USH2A: variants seen among roughly 807,000 people sequenced by gnomAD.
The protein encoded by USH2A is Usher syndrome 2A (autosomal recessive, mild).
In USH2A, 443 loss-of-function variants were observed where a neutral mutation model predicts 538.9. The observed-to-expected ratio is 0.82, with a 90% CI of 0.76 to 0.89. The LOEUF is 0.89. Ranked by LOEUF, USH2A falls within the 40% of genes least tolerant of loss-of-function variation. USH2A has a pLI of 0.00. For synonymous variants in USH2A, 2,413 were observed against 2,273.5 expected (o/e 1.06, Z -1.75); for missense variants, 6,633 against 6,324.8 (o/e 1.05, Z -1.65).
chr1:215,993,001 G>T lies in USH2A; in HGVS notation c.6805+19C>A. ...TTGCTAATCATCTTTTTAACTTGAG[G>T]CTAAAAGAGTTCACTTACCATTCGG... is the stretch of plus-strand genomic sequence containing the variant. On this transcript the variant is annotated intron_variant, in intron 35 of 71. Coordinates refer to ENST00000307340, the MANE Select transcript of USH2A (RefSeq NM_206933.4). The T allele has an allele frequency of 6.2e-7, 1 of 1,613,972 alleles. No homozygotes were observed. Among genetic ancestry groups the T allele is most frequent in the South Asian group, 1.1e-5 (1 of 91,086 alleles).
Position 216,324,256 on chromosome 1 carries a change from A to T in USH2A, c.1240T>A (p.Tyr414Asn). The T allele has an allele frequency of 6.2e-7, 1 of 1,613,360 alleles. No individual in the cohort carries two copies. Among genetic ancestry groups the T allele is most frequent in the Non-Finnish European group, 8.5e-7 (1 of 1,179,664 alleles). ...AAAGCACCACAATTCCTGGCAAAAT[A>T]TTGCCAGTCCTCCCAATCTAAACTA... The part of the protein sequence containing the change: ...ENSLDWEDWQ[Y>N]FARNCGAFGM... Residue 414 changes from tyrosine to asparagine, a missense_variant, in exon 7 of 72, where the codon TAT (tyrosine) becomes AAT (asparagine). Transcript: ENST00000307340.
At chr1:216,019,767 A>C (rs900571838) in intron 32 of USH2A, among the ~76,000 whole-genome samples, 4 of 152,182 alleles carry the variant, frequency 2.6e-5, no homozygotes, top group South Asian at 4.1e-4. Context: ...ATGCTGAGCA[A>C]GTACTCCTTA....
chr1:216,308,862 A>C (rs1034165520), intron 9 of USH2A, among the ~76,000 whole-genome samples: 1 of 152,180 alleles, frequency 6.6e-6, no homozygotes, highest in Non-Finnish European at 1.5e-5. Flanking sequence ...AGCTTTCTTA[A>C]ATTTTCAAAC....
At chr1:215,717,507 C>T (rs992038876) in intron 61 of USH2A, among the ~76,000 whole-genome samples, 1 of 152,146 alleles carries the variant, frequency 6.6e-6, no homozygotes, top group Non-Finnish European at 1.5e-5. Context: ...CAATACCATG[C>T]ATGACAAAAT....
At chr1:215,658,636 C>A (rs552498638) in intron 64 of USH2A, among the ~76,000 whole-genome samples, 5 of 152,178 alleles carry the variant, frequency 3.3e-5, no homozygotes, top group African/African-American at 7.2e-5. Flanking sequence ...TAGAGCCCTG[C>A]GTGGACTGGC....
intron 14 of USH2A, among the ~76,000 whole-genome samples, chr1:216,228,928 C>T (rs1448128117): frequency 6.6e-6 from 1 of 151,954 alleles, no homozygotes; most frequent in African/African-American, 2.4e-5. Context: ...AATCCCAGCA[C>T]TTTGGGAGGC....
intron 35 of USH2A, among the ~76,000 whole-genome samples, chr1:215,981,433 A>AT (rs1198992993): frequency 1.3e-5 from 2 of 152,146 alleles, no homozygotes; most frequent in African/African-American, 4.8e-5. Flanking sequence ...ATGAAACTAC[A>AT]TTTTTATAAC....
intron 12 of USH2A, among the ~76,000 whole-genome samples, chr1:216,250,294 G>A (rs367686068): frequency 6.6e-5 from 10 of 152,146 alleles, no homozygotes; most frequent in African/African-American, 2.4e-4. Flanking sequence ...AAATAACACC[G>A]AAGGCAGCTG....
intron 44 of USH2A, among the ~76,000 whole-genome samples, chr1:215,852,787 A>G (rs1386190710): frequency 2.6e-5 from 4 of 152,182 alleles, no homozygotes; most frequent in Non-Finnish European, 4.4e-5. Context: ...AAGCTCCAAA[A>G]TGATCTCTTT....
In USH2A at chr1:216,083,564, A is replaced by G; in HGVS notation, c.5190T>C (p.Tyr1730=). 1 of 1,612,338 alleles carries G rather than the reference A, an allele frequency of 6.2e-7. No individual in the cohort carries two copies. The highest frequency in any genetic ancestry group is 8.5e-7 in the Non-Finnish European group (1 of 1,178,998). ...LGAGFLELHP[Y]MFHGGMNFEI... ...CAAAGTTCATTCCACCATGAAACAT[A>G]TATGGATGAAGTTCCAGGAACCCTT... The change falls in exon 26 of 72, where the codon TAT becomes TAC. Residue 1730 remains tyrosine (Y), a synonymous_variant. Coordinates refer to ENST00000307340, the MANE Select transcript of USH2A (RefSeq NM_206933.4).
At chr1:215,836,503 ATAT>A (rs1441132766) in intron 47 of USH2A, among the ~76,000 whole-genome samples, 1 of 20,470 alleles carries the variant, frequency 4.9e-5, no homozygotes, top group East Asian at 6.0e-3. Flanking sequence ...TATATAATAT[ATAT>A]TATATATATA....
chr1:215,876,509 A>T (rs1558139676), intron 43 of USH2A, among the ~76,000 whole-genome samples: 1 of 152,194 alleles, frequency 6.6e-6, no homozygotes, highest in Non-Finnish European at 1.5e-5. Flanking sequence ...GGTGTAGGGC[A>T]CTATGTGCTG....
At chr1:215,877,677 A>T in intron 43 of USH2A, 81 bp downstream of exon 43, 1 of 1,594,150 alleles carries the variant, frequency 6.3e-7, no homozygotes, top group Non-Finnish European at 8.6e-7. Context: ...TCACACAATG[A>T]AGACACTGAG....
intron 21 of USH2A, among the ~76,000 whole-genome samples, chr1:216,106,350 A>G (rs2032732281): frequency 6.7e-6 from 1 of 149,664 alleles, no homozygotes; most frequent in African/African-American, 2.4e-5. Context: ...TATTCTGTAG[A>G]ATATTTGTAG....
intron 47 of USH2A, 69 bp downstream of exon 47, chr1:215,837,922 A>G (rs1663576300): frequency 1.7e-6 from 2 of 1,209,378 alleles, no homozygotes; most frequent in Admixed American, 1.7e-5. Context: ...CTGAGAGGAT[A>G]CCTTTGATTT....
chr1:215,639,854 A>G (rs1419522446), intron 68 of USH2A, among the ~76,000 whole-genome samples: 1 of 152,224 alleles, frequency 6.6e-6, no homozygotes, highest in African/African-American at 2.4e-5. Flanking sequence ...TTCTATTACT[A>G]TACATGCAAT....
intron 18 of USH2A, among the ~76,000 whole-genome samples, chr1:216,197,837 A>G (rs1002763232): frequency 6.6e-6 from 1 of 152,106 alleles, no homozygotes; most frequent in African/African-American, 2.4e-5. Flanking sequence ...TGAATTATAG[A>G]TTTTGATGTC....
chr1:216,303,843 A>G (rs1383200923), intron 9 of USH2A, among the ~76,000 whole-genome samples: 5 of 151,982 alleles, frequency 3.3e-5, no homozygotes, highest in Non-Finnish European at 5.9e-5. Flanking sequence ...AATGCACTAC[A>G]CATAGAAGGC....
chr1:215,694,344 C>T (rs536674749), intron 61 of USH2A, among the ~76,000 whole-genome samples: 4 of 152,234 alleles, frequency 2.6e-5, no homozygotes, highest in East Asian at 3.9e-4. Context: ...GAGGCCAAGG[C>T]GGGTAGATCA....
Sources: allele counts gnomAD v4.1 joint callset (sites outside exome capture counted in the v4.1 genomes callset), GRCh38; gene constraint gnomAD v4.1.1; transcripts MANE v1.5; gene names NCBI Gene and HGNC (gene_info 2026-07-23, HGNC 2026-07-21).